Variants in ACTN4 observed in about 807,000 individuals in gnomAD.
The protein encoded by ACTN4 is actinin alpha 4.
In ACTN4, 18 loss-of-function variants were observed where a neutral mutation model predicts 114.2. That is an observed-to-expected ratio of 0.16 (90% CI 0.11 to 0.23). The LOEUF (loss-of-function observed/expected upper bound fraction) is 0.23. Ranked by LOEUF, ACTN4 falls within the 10% of genes least tolerant of loss-of-function variation. ACTN4 has a pLI of 1.00. For missense variants in ACTN4, 722 were observed against 1,262.9 expected (o/e 0.57, Z 6.49); for synonymous variants, 515 against 506.3 (o/e 1.02, Z -0.23).
chr19:38,673,566 T>C (rs1459050286), intron 1 of ACTN4, among the ~76,000 whole-genome samples: 28 of 83,050 alleles, frequency 3.4e-4, no homozygotes, highest in African/African-American at 9.6e-4. Flanking sequence ...CTTATATATA[T>C]TTATATATAT....
At chr19:38,680,212 G>GTTTTTTTT (rs75920199) in intron 1 of ACTN4, among the ~76,000 whole-genome samples, 1 of 124,342 alleles carries the variant, frequency 8.0e-6, no homozygotes, top group Admixed American at 9.1e-5. Context: ...AGCTCAGGAA[G>GTTTTTTTT]TTTTTTTTTT....
At chr19:38,677,611 A>AGCTGACCCTACGCTAAGCT (rs11270068) in intron 1 of ACTN4, among the ~76,000 whole-genome samples, 1 of 151,904 alleles carries the variant, frequency 6.6e-6, no homozygotes, top group East Asian at 1.9e-4. Flanking sequence ...CCCATCTAAA[A>AGCTGACCCTACGCTAAGCT]GTGTGCTCTG....
intron 6 of ACTN4, among the ~76,000 whole-genome samples, 159 bp downstream of exon 6, chr19:38,708,354 C>A (rs1968529833): frequency 6.6e-6 from 1 of 152,198 alleles, no homozygotes; most frequent in Non-Finnish European, 1.5e-5. Flanking sequence ...CTCTCCGCAA[C>A]CCCTGGCTCG....
At chr19:38,694,868 A>T (rs1235403633) in intron 1 of ACTN4, among the ~76,000 whole-genome samples, 6 of 151,472 alleles carry the variant, frequency 4.0e-5, no homozygotes, top group African/African-American at 1.2e-4. Flanking sequence ...CCCGTGCTGA[A>T]TGTAATTTTG....
chr19:38,703,745 C>T (rs1391303935), intron 3 of ACTN4, among the ~76,000 whole-genome samples: 1 of 152,120 alleles, frequency 6.6e-6, no homozygotes, highest in East Asian at 1.9e-4. Flanking sequence ...TGTGATTTCA[C>T]TAGTGATGCC....
At chr19:38,723,902 C>T in intron 13 of ACTN4, 35 bp from the exon 14 acceptor site, 2 of 1,611,686 alleles carry the variant, frequency 1.2e-6, no homozygotes, top group Non-Finnish European at 1.7e-6. Context: ...ACCTGCCTTC[C>T]CTCTGTCCCT....
At chr19:38,695,189 A>G (rs1470341914) in intron 1 of ACTN4, among the ~76,000 whole-genome samples, 2 of 152,166 alleles carry the variant, frequency 1.3e-5, no homozygotes, top group Non-Finnish European at 2.9e-5. Context: ...CAGAATGTAA[A>G]TGATAACTGT....
intron 1 of ACTN4, among the ~76,000 whole-genome samples, chr19:38,699,711 C>T (rs1312258041): frequency 6.6e-6 from 1 of 150,944 alleles, no homozygotes; most frequent in Non-Finnish European, 1.5e-5. Context: ...GCTGAGATTG[C>T]GCCACAGCAC....
intron 3 of ACTN4, 117 bp from the exon 4 acceptor site, chr19:38,704,816 AG>A (rs2070249144): frequency 2.4e-6 from 2 of 839,934 alleles, no homozygotes; most frequent in African/African-American, 1.7e-5. Context: ...AGATGCAACC[AG>A]GGGGTGGTTT....
rs998962308 is a variant in ACTN4 at position 38,730,318 on chromosome 19, T to C, written c.*886T>C. On this transcript the variant is annotated 3_prime_UTR_variant, in exon 21 of 21. Transcript: ENST00000252699. ...ATAGCCGATTCTCTGCCCGGGCCCC[T>C]TGCTGATGCTCCTCCGGGTCTGCGT... is the stretch of plus-strand genomic sequence containing the variant. 3 of 164,462 alleles carry C rather than the reference T, an allele frequency of 1.8e-5. No homozygotes were observed. The highest frequency in any genetic ancestry group is 1.7e-4 in the Admixed American group (3 of 17,398). 10.2% of individuals were successfully genotyped at this position (164,462 alleles called of 1,614,324 possible).
chr19:38,725,051 C>T (rs1274622906), intron 16 of ACTN4, among the ~76,000 whole-genome samples: 7 of 152,154 alleles, frequency 4.6e-5, no homozygotes, highest in Non-Finnish European at 7.3e-5. Context: ...CCTGTCCTCC[C>T]AGCTCTAAAA....
In ACTN4 at chr19:38,717,539, A is replaced by C. The variant is rs907629723; in HGVS notation, c.1143+223A>C. 1.3e-5 allele frequency among the ~76,000 whole-genome samples: 2 copies of C among 152,086 alleles called. No individual in the cohort carries two copies. The highest frequency in any genetic ancestry group is 2.9e-5 in the Non-Finnish European group (2 of 68,018). ...ATTTTACACCCAGGGTTTTATACGC[A>C]TCCCAAATCCTTGCCACGGGTTGTG... is the stretch of plus-strand genomic sequence containing the variant. On this transcript the variant is annotated intron_variant, in intron 10 of 20. Coordinates refer to ENST00000252699, the MANE Select transcript of ACTN4 (RefSeq NM_004924.6). This position sits in a 1 kb window ranked among gnomAD's most constrained non-coding sequence, Gnocchi z 4.0.
chr19:38,721,444 GTCTC>G, intron 11 of ACTN4, 90 bp from the exon 12 acceptor site: 1 of 1,464,442 alleles, frequency 6.8e-7, no homozygotes, highest in Non-Finnish European at 9.5e-7. Flanking sequence ...GGGGTCCACA[GTCTC>G]TCTTTCCCTC....
intron 1 of ACTN4, among the ~76,000 whole-genome samples, chr19:38,694,425 A>G (rs1968026924): frequency 6.6e-6 from 1 of 151,882 alleles, no homozygotes; most frequent in South Asian, 2.1e-4. Context: ...ACGCCCAGGT[A>G]ATTTTTGTAT....
chr19:38,650,615 T>C (rs1025117162), intron 1 of ACTN4, among the ~76,000 whole-genome samples: 1 of 152,194 alleles, frequency 6.6e-6, no homozygotes, highest in Admixed American at 6.5e-5. Flanking sequence ...CTGTGCCCTT[T>C]CCTGTTATGG....
intron 1 of ACTN4, among the ~76,000 whole-genome samples, chr19:38,656,035 G>A (rs532579233): frequency 2.6e-4 from 39 of 152,276 alleles, no homozygotes; most frequent in African/African-American, 8.9e-4. Flanking sequence ...AGAACCCATG[G>A]ATACAGAGGG....
chr19:38,683,927 C>G (rs1442766800), intron 1 of ACTN4: 1 of 152,268 alleles, frequency 6.6e-6, no homozygotes, highest in Admixed American at 6.5e-5. Context: ...CTGCCAAGGA[C>G]CTCCTGGGAC....
intron 1 of ACTN4, among the ~76,000 whole-genome samples, chr19:38,669,517 ATGCTGTTTTT>A (rs1967068552): frequency 6.6e-6 from 1 of 152,200 alleles, no homozygotes; most frequent in African/African-American, 2.4e-5. Flanking sequence ...AGCTGCAAGC[ATGCTGTTTTT>A]ACTTAGAGCA....
chr19:38,685,949 C>T (rs1324894656), intron 1 of ACTN4, among the ~76,000 whole-genome samples: 1 of 152,166 alleles, frequency 6.6e-6, no homozygotes, highest in African/African-American at 2.4e-5. Flanking sequence ...ACCAGCAGGG[C>T]CCAGTTTACG....
Sources: allele counts gnomAD v4.1 joint callset (sites outside exome capture counted in the v4.1 genomes callset), GRCh38; gene constraint gnomAD v4.1.1; non-coding constraint Gnocchi (gnomAD v3.1); transcripts MANE v1.5; gene names NCBI Gene and HGNC (gene_info 2026-07-23, HGNC 2026-07-21).